SLC35F1: variants seen among roughly 807,000 people sequenced by gnomAD.
The protein encoded by SLC35F1 is chromosome 6 open reading frame 169.
In SLC35F1, 14 loss-of-function variants were observed where a neutral mutation model predicts 48.7. The ratio of observed to expected loss-of-function variants is 0.29; its 90% CI spans 0.19 to 0.45. SLC35F1 has a LOEUF of 0.45. Ranked by LOEUF, SLC35F1 falls within the 20% of genes least tolerant of loss-of-function variation. The pLI is 1.00. For missense variants in SLC35F1, 404 were observed against 500.0 expected (o/e 0.81, Z 1.83); for synonymous variants, 190 against 202.2 (o/e 0.94, Z 0.51).
At chr6:118,260,107 A>G (rs1204069830) in intron 3 of SLC35F1, among the ~76,000 whole-genome samples, 1 of 152,202 alleles carries the variant, frequency 6.6e-6, no homozygotes. Context: ...TGTTAAATGA[A>G]AGAAACCAGT....
At chr6:118,047,732 C>CA (rs1772320997) in intron 1 of SLC35F1, among the ~76,000 whole-genome samples, 2 of 152,148 alleles carry the variant, frequency 1.3e-5, no homozygotes, top group Admixed American at 1.3e-4. Flanking sequence ...TAGCAATACA[C>CA]AAGATGGTAA....
At chr6:118,120,596 T>C (rs1042353731) in intron 1 of SLC35F1, among the ~76,000 whole-genome samples, 6 of 152,184 alleles carry the variant, frequency 3.9e-5, no homozygotes, top group African/African-American at 1.4e-4. Flanking sequence ...GTTTTATGAC[T>C]ACATATAATT....
intron 1 of SLC35F1, among the ~76,000 whole-genome samples, chr6:118,111,878 C>T (rs944468540): frequency 2.6e-5 from 4 of 152,056 alleles, no homozygotes; most frequent in African/African-American, 9.7e-5. Context: ...AGAGCGATTC[C>T]ATCTTTAGTG....
At chr6:117,929,195 C>A (rs1776068017) in intron 1 of SLC35F1, among the ~76,000 whole-genome samples, 1 of 152,020 alleles carries the variant, frequency 6.6e-6, no homozygotes, top group Non-Finnish European at 1.5e-5. Flanking sequence ...GCTATATAAA[C>A]CCCTAATTTT....
At chr6:118,194,079 A>G (rs770168856) in intron 2 of SLC35F1, among the ~76,000 whole-genome samples, 15 of 152,286 alleles carry the variant, frequency 9.8e-5, no homozygotes, top group Non-Finnish European at 1.6e-4. Context: ...CACACACAAC[A>G]TATATATAAC....
intron 1 of SLC35F1, among the ~76,000 whole-genome samples, chr6:117,944,610 C>T (rs1776272259): frequency 6.6e-6 from 1 of 151,724 alleles, no homozygotes; most frequent in Admixed American, 6.6e-5. Context: ...CACACACACA[C>T]ACACACACAC....
At chr6:118,190,495 T>C (rs2114521956) in intron 2 of SLC35F1, among the ~76,000 whole-genome samples, 1 of 152,148 alleles carries the variant, frequency 6.6e-6, no homozygotes, top group South Asian at 2.1e-4. Flanking sequence ...GAGTATGATT[T>C]AAAAAAACTT....
chr6:118,122,302 G>A (rs1355541544), intron 1 of SLC35F1, among the ~76,000 whole-genome samples: 1 of 151,604 alleles, frequency 6.6e-6, no homozygotes, highest in African/African-American at 2.4e-5. Context: ...TTAGCTGGTA[G>A]CACTGCAGCT....
At chr6:117,943,551 T>C (rs1474884181) in intron 1 of SLC35F1, among the ~76,000 whole-genome samples, 1 of 152,230 alleles carries the variant, frequency 6.6e-6, no homozygotes, top group Non-Finnish European at 1.5e-5. Flanking sequence ...TCTTATGGCT[T>C]TAAGAATACA....
At chr6:118,014,918 C>T (rs1461227824) in intron 1 of SLC35F1, among the ~76,000 whole-genome samples, 1 of 152,160 alleles carries the variant, frequency 6.6e-6, no homozygotes, top group Non-Finnish European at 1.5e-5. Context: ...GCTGTGTCCC[C>T]ACCCAAATCT....
intron 1 of SLC35F1, among the ~76,000 whole-genome samples, chr6:118,068,758 T>C (rs1352847014): frequency 6.6e-6 from 1 of 152,182 alleles, no homozygotes; most frequent in African/African-American, 2.4e-5. Context: ...GCGCATATTA[T>C]CTTATCCAAA....
At chr6:118,143,384 C>G (rs1379693615) in intron 1 of SLC35F1, among the ~76,000 whole-genome samples, 4 of 152,076 alleles carry the variant, frequency 2.6e-5, no homozygotes, top group Non-Finnish European at 5.9e-5. Flanking sequence ...AAGGTTGCCC[C>G]CTCTTTCCTA....
intron 3 of SLC35F1, among the ~76,000 whole-genome samples, chr6:118,251,989 A>G (rs1775581587): frequency 6.6e-6 from 1 of 152,146 alleles, no homozygotes; most frequent in South Asian, 2.1e-4. Flanking sequence ...AGAGGACAGT[A>G]TAAGGGTGAA....
intron 1 of SLC35F1, among the ~76,000 whole-genome samples, chr6:118,082,813 A>T (rs1033675499): frequency 6.6e-6 from 1 of 152,146 alleles, no homozygotes; most frequent in African/African-American, 2.4e-5. Flanking sequence ...ATGGGTCCCT[A>T]TCTTTTGCAT....
intron 3 of SLC35F1, among the ~76,000 whole-genome samples, chr6:118,249,184 C>T (rs751314377): frequency 3.9e-5 from 6 of 152,184 alleles, no homozygotes; most frequent in Non-Finnish European, 7.3e-5. Context: ...GAGGCACCAC[C>T]CTCCAGGCAG....
At chr6:118,257,257 A>G (rs1339763311) in intron 3 of SLC35F1, among the ~76,000 whole-genome samples, 1 of 152,058 alleles carries the variant, frequency 6.6e-6, no homozygotes, top group Non-Finnish European at 1.5e-5. Flanking sequence ...CCAGTAGGAG[A>G]CTTTACCACT....
rs190984316 is a variant in SLC35F1, at chr6:117,939,970, C to T, written c.173+32071C>T. 3.4e-3 allele frequency among the ~76,000 whole-genome samples: 513 copies of T among 152,266 alleles called. 2 individuals carry two copies. Among genetic ancestry groups the T allele is most frequent in the Non-Finnish European group, 5.5e-3 (371 of 68,018 alleles). The stretch of plus-strand genomic sequence containing the variant: ...ATGGGCAAATGAATGTGCATGACTT[C>T]AGTTGTCTTCATGCCAGTCTAGGAG... On this transcript the variant is annotated intron_variant, in intron 1 of 7. Transcript: ENST00000360388.
chr6:118,029,819 G>T (rs1016474284), intron 1 of SLC35F1, among the ~76,000 whole-genome samples: 2 of 151,948 alleles, frequency 1.3e-5, no homozygotes, highest in Non-Finnish European at 2.9e-5. Context: ...CCTTCACTAC[G>T]CTAATGTGAA....
intron 1 of SLC35F1, among the ~76,000 whole-genome samples, chr6:117,919,585 C>T (rs1264106094): frequency 1.3e-5 from 2 of 152,100 alleles, no homozygotes; most frequent in African/African-American, 2.4e-5. Context: ...TCGTTTTTGT[C>T]ATGAGCCTTG....
Sources: gnomAD v4.1 joint callset for allele counts (sites outside exome capture counted in the v4.1 genomes callset) on GRCh38, gnomAD v4.1.1 for gene constraint, MANE v1.5 for transcripts, NCBI Gene and HGNC (gene_info 2026-07-23, HGNC 2026-07-21) for gene names.